ENTPD7: variants seen among roughly 807,000 people sequenced by gnomAD.
ENTPD7 encodes NTPDase 7.
A neutral mutation model predicts 77.9 loss-of-function variants in ENTPD7; 53 were observed. The ratio of observed to expected loss-of-function variants is 0.68; its 90% CI spans 0.55 to 0.85. The LOEUF (loss-of-function observed/expected upper bound fraction) is 0.85. Among genes scored for constraint, ENTPD7 ranks in the 40% least tolerant of loss-of-function variants. The probability of loss-of-function intolerance (pLI) is 0.00; values close to 1 mark genes in which losing one functional copy is unlikely to be tolerated. For synonymous variants in ENTPD7, 248 were observed against 274.9 expected (o/e 0.90, Z 0.97); for missense variants, 636 against 743.7 (o/e 0.86, Z 1.68).
Position 99,711,122 on chromosome 10 carries a change from C to T in ENTPD7, c.*6439C>T. The T allele has an allele frequency of 1.0e-6, 1 of 984,864 alleles. No individual in the cohort carries two copies. The highest frequency in any genetic ancestry group is 1.2e-6 in the Non-Finnish European group (1 of 829,594). The allele number at this position is 984,864 out of a possible 1,614,324, so 61.0% of individuals were successfully genotyped here. ...AATACAAAAAAAACCCTAAGATAAT[C>T]ATTCACCAGAAGCTCATAGATATAA... On this transcript the variant is annotated 3_prime_UTR_variant, in exon 13 of 13. Coordinates refer to ENST00000370489, the MANE Select transcript of ENTPD7 (RefSeq NM_020354.5).
chr10:99,663,820 T>C (rs1375713750), intron 3 of ENTPD7, among the ~76,000 whole-genome samples: 1 of 152,134 alleles, frequency 6.6e-6, no homozygotes, highest in Non-Finnish European at 1.5e-5. Context: ...GTAGTTTTAA[T>C]CAAATTTGGA....
rs750176335 is a variant in ENTPD7, at chr10:99,688,761, T to A, written c.709+11T>A. 6.2e-7 allele frequency: 1 copy of A among 1,613,588 alleles called. No individual in the cohort carries two copies. The highest frequency in any genetic ancestry group is 1.3e-5 in the African/African-American group (1 of 74,936). ...TCGACCACGAGGATGGTGAGTAATATTGTCTTTTTATGACAGTTTACCTAA... is the reference window on the plus strand; with the variant it reads ...TCGACCACGAGGATGGTGAGTAATAATGTCTTTTTATGACAGTTTACCTAA... On this transcript the variant is annotated intron_variant, in intron 7 of 12. Coordinates refer to ENST00000370489, the MANE Select transcript of ENTPD7 (RefSeq NM_020354.5).
At chr10:99,671,557 G>A (rs2035619265) in intron 3 of ENTPD7, among the ~76,000 whole-genome samples, 1 of 152,160 alleles carries the variant, frequency 6.6e-6, no homozygotes, top group Non-Finnish European at 1.5e-5. Context: ...GACCACTGTT[G>A]TACATGTGGT....
intron 2 of ENTPD7, 82 bp downstream of exon 2, chr10:99,660,046 A>G (rs1415059663): frequency 6.2e-7 from 1 of 1,604,436 alleles, no homozygotes; most frequent in Non-Finnish European, 8.5e-7. Context: ...GGCTGTCCCA[A>G]GTGAGGTTTG....
In ENTPD7 at chr10:99,680,587, A is replaced by T. The variant is rs573574007; in HGVS notation, c.548+712A>T. ...AACATGAGAGCTACCCTCTAACCAG[A>T]TTTTTTTCTTTTTTTTTAGAGACAG... On this transcript the variant is annotated intron_variant, in intron 5 of 12. Coordinates refer to ENST00000370489, the MANE Select transcript of ENTPD7 (RefSeq NM_020354.5). 2.0e-5 allele frequency among the ~76,000 whole-genome samples: 3 copies of T among 151,208 alleles called. No homozygotes were observed. The South Asian group carries it at 6.3e-4, about 32-fold the overall frequency.
At chr10:99,680,123 A>C (rs1357264236) in intron 5 of ENTPD7, among the ~76,000 whole-genome samples, 1 of 152,214 alleles carries the variant, frequency 6.6e-6, no homozygotes, top group Admixed American at 6.5e-5. Flanking sequence ...ATCATCGGGC[A>C]CATAGAGAAC....
chr10:99,690,005 A>G (rs1018119336), intron 7 of ENTPD7, among the ~76,000 whole-genome samples: 7 of 152,056 alleles, frequency 4.6e-5, no homozygotes, highest in African/African-American at 7.2e-5. Context: ...GTAACCAGTG[A>G]AAAAAAAGTT....
intron 6 of ENTPD7, among the ~76,000 whole-genome samples, chr10:99,686,778 T>A (rs1012269466): frequency 6.6e-6 from 1 of 152,018 alleles, no homozygotes; most frequent in Non-Finnish European, 1.5e-5. Flanking sequence ...ATGCCAAGTA[T>A]TTTTATATTC....
chr10:99,690,568 A>C (rs1051430807), intron 7 of ENTPD7, among the ~76,000 whole-genome samples: 3 of 145,346 alleles, frequency 2.1e-5, no homozygotes, highest in African/African-American at 5.1e-5. Context: ...TTTTTGAGAC[A>C]GTCTTGCTCT....
Position 99,679,805 on chromosome 10 carries a change from C to T in ENTPD7, c.478C>T (p.Pro160Ser), listed in dbSNP as rs751925424. The change falls in exon 5 of 13, where the codon CCT (proline) becomes TCT (serine). Residue 160 changes from proline (P) to serine (S), a missense_variant. This residue lies in a region of ENTPD7 where 486 missense variants were observed against 556.5 expected (regional missense o/e 0.87). Transcript: ENST00000370489. ...GCTGAGCTTTGCTGCTGCTCATGTGCCTGTGAAGAAGCACAAGGAGACCCC... is the reference window on the plus strand; with the variant it reads ...GCTGAGCTTTGCTGCTGCTCATGTGTCTGTGAAGAAGCACAAGGAGACCCC... ...PLLSFAAAHV[P>S]VKKHKETPLY... 2 of 1,614,200 alleles carry T rather than the reference C, an allele frequency of 1.2e-6. No homozygotes were observed. Among genetic ancestry groups the T allele is most frequent in the South Asian group, 1.1e-5 (1 of 91,086 alleles).
intron 10 of ENTPD7, 117 bp from the exon 11 acceptor site, chr10:99,700,856 T>G (rs763746142): frequency 2.2e-5 from 18 of 809,548 alleles, no homozygotes; most frequent in Admixed American, 1.6e-4. Context: ...ATTTCTGTTT[T>G]CCTTTGTCAG....
chr10:99,687,545 G>A (rs946602571), intron 6 of ENTPD7, among the ~76,000 whole-genome samples: 4 of 152,128 alleles, frequency 2.6e-5, no homozygotes, highest in Non-Finnish European at 2.9e-5. Context: ...AATTACAGGT[G>A]TGAGCCACCG....
chr10:99,685,940 C>T (rs1047433727), intron 6 of ENTPD7, 45 bp downstream of exon 6: 1 of 1,256,692 alleles, frequency 8.0e-7, no homozygotes, highest in Admixed American at 1.8e-5. Context: ...CTAAGCCAAC[C>T]ATGGCACAGC....
intron 3 of ENTPD7, among the ~76,000 whole-genome samples, chr10:99,673,352 G>A (rs760113111): frequency 3.3e-5 from 5 of 152,094 alleles, no homozygotes; most frequent in South Asian, 4.1e-4. Context: ...ATGAAAAAAT[G>A]CATGAAAGGT....
intron 3 of ENTPD7, among the ~76,000 whole-genome samples, chr10:99,678,041 G>T (rs77054552): frequency 0.015 from 2,321 of 151,836 alleles, 46 homozygotes; most frequent in African/African-American, 0.051. Flanking sequence ...TAATGTCCTA[G>T]GGGCCAAGAA....
intron 3 of ENTPD7, among the ~76,000 whole-genome samples, chr10:99,670,596 C>T (rs983575401): frequency 2.0e-5 from 3 of 152,184 alleles, no homozygotes; most frequent in African/African-American, 7.2e-5. Flanking sequence ...TGTATACGCT[C>T]CTAGCCTACA....
Position 99,705,497 on chromosome 10 carries a change from G to C in ENTPD7, c.*814G>C, listed in dbSNP as rs1319380686. 6.6e-6 allele frequency: 1 copy of C among 152,152 alleles called. No homozygotes were observed. Among genetic ancestry groups the C allele is most frequent in the Non-Finnish European group, 1.5e-5 (1 of 68,022 alleles). 9.4% of individuals were successfully genotyped at this position (152,152 alleles called of 1,614,324 possible). ...AAACTGTGATGGGGACTGGGAACCTGGATTTGTCTGATTTTAGGTCACTGT... is the reference window on the plus strand; with the variant it reads ...AAACTGTGATGGGGACTGGGAACCTCGATTTGTCTGATTTTAGGTCACTGT... On this transcript the variant is annotated 3_prime_UTR_variant, in exon 13 of 13. Coordinates refer to ENST00000370489, the MANE Select transcript of ENTPD7 (RefSeq NM_020354.5).
chr10:99,660,379 T>C, intron 2 of ENTPD7: 6 of 1,164,474 alleles, frequency 5.2e-6, no homozygotes, highest in Non-Finnish European at 6.5e-6. Flanking sequence ...CACTTATCCA[T>C]ACATTATAAT....
Position 99,706,118 on chromosome 10 carries a change from G to A in ENTPD7, c.*1435G>A, listed in dbSNP as rs557538771. On this transcript the variant is annotated 3_prime_UTR_variant, in exon 13 of 13. Transcript: ENST00000370489. Reference sequence around the variant, plus strand: ...AGGGGAAAAAGTCCCTGGCTTTAAAGAAAACAAAAGTAGAATTCTTCAAAA... The same window carrying A: ...AGGGGAAAAAGTCCCTGGCTTTAAAAAAAACAAAAGTAGAATTCTTCAAAA... The A allele has an allele frequency of 6.6e-6, 1 of 152,138 alleles. No individual in the cohort carries two copies. The highest frequency in any genetic ancestry group is 1.9e-4 in the East Asian group (1 of 5,184). The allele number at this position is 152,138 out of a possible 1,614,324, so 9.4% of individuals were successfully genotyped here.
Sources: allele counts gnomAD v4.1 joint callset (sites outside exome capture counted in the v4.1 genomes callset), GRCh38; gene constraint gnomAD v4.1.1; regional missense constraint gnomAD v4.1.1; transcripts MANE v1.5; gene names NCBI Gene and HGNC (gene_info 2026-07-23, HGNC 2026-07-21).